Variants in NUP35 observed in about 807,000 individuals in gnomAD.
NUP35 encodes nucleoporin 35.
A neutral mutation model predicts 41.5 loss-of-function variants in NUP35; 25 were observed. That is an observed-to-expected ratio of 0.60 (90% CI 0.44 to 0.84). The LOEUF (loss-of-function observed/expected upper bound fraction) is 0.84. NUP35 is among the 40% of genes least tolerant of loss of function. The probability of loss-of-function intolerance (pLI) is 0.00; values close to 1 mark genes in which losing one functional copy is unlikely to be tolerated. For synonymous variants in NUP35, 149 were observed against 130.7 expected (o/e 1.14, Z -0.96); for missense variants, 396 against 396.6 (o/e 1.00, Z 0.01).
At position 183,138,269 on chromosome 2, in the gene NUP35, A is replaced by ATATATATATTTTT; in HGVS notation, c.397+4647_397+4648insATATATATTTTTT. On this transcript the variant is annotated intron_variant, in intron 4 of 8. Coordinates refer to ENST00000295119, the MANE Select transcript of NUP35 (RefSeq NM_138285.5). ...GCTATATATATATATATATATATAT[A>ATATATATATTTTT]TTTTTTTTTTTTTTTAGCTCCTGTA... is the stretch of plus-strand genomic sequence containing the variant. Among the ~76,000 whole-genome samples the ATATATATATTTTT allele has an allele frequency of 4.6e-3, 368 of 80,504 alleles. 8 individuals carry two copies. The highest frequency in any genetic ancestry group is 0.022 in the African/African-American group (345 of 16,002). 52.8% of individuals were successfully genotyped at this position (80,504 alleles called of 152,430 possible).
At chr2:183,136,514 C>A (rs1264214464) in intron 4 of NUP35, among the ~76,000 whole-genome samples, 1 of 152,218 alleles carries the variant, frequency 6.6e-6, no homozygotes, top group African/African-American at 2.4e-5. Flanking sequence ...AGGCTGCCCT[C>A]ACTCCTTGGC....
upstream of NUP35, among the ~76,000 whole-genome samples, chr2:183,122,345 G>T (rs774784614): frequency 1.7e-3 from 262 of 152,194 alleles, 3 homozygotes; most frequent in Non-Finnish European, 2.9e-3. Context: ...CAAAGTGCTG[G>T]GATTACAGGC....
upstream of NUP35, chr2:183,120,097 G>A (rs1003912588): frequency 6.6e-6 from 1 of 152,302 alleles, no homozygotes; most frequent in African/African-American, 2.4e-5. Flanking sequence ...GGAGGCTTCT[G>A]TAGAAAATAG....
chr2:183,150,174 G>A (rs796725090), intron 4 of NUP35, among the ~76,000 whole-genome samples: 17 of 152,242 alleles, frequency 1.1e-4, no homozygotes, highest in African/African-American at 4.1e-4. Context: ...CAAAGTGTTG[G>A]GATGACAGGT....
At chr2:183,149,200 A>G (rs1408376531) in intron 4 of NUP35, among the ~76,000 whole-genome samples, 4 of 152,198 alleles carry the variant, frequency 2.6e-5, no homozygotes, top group Admixed American at 6.5e-5. Flanking sequence ...GTGGTTCTCA[A>G]ATGTCTTAGT....
At chr2:183,119,982 A>AT (rs1336518667), upstream of NUP35, 5 of 150,246 alleles carry the variant, frequency 3.3e-5, no homozygotes, top group African/African-American at 1.2e-4. Context: ...AGAGATTCTG[A>AT]TTTTTTCCTT....
chr2:183,121,729 C>T (rs989533314), upstream of NUP35, among the ~76,000 whole-genome samples: 14 of 151,508 alleles, frequency 9.2e-5, no homozygotes, highest in South Asian at 4.2e-4. Flanking sequence ...CCCAGCTACT[C>T]GGGAGACTGA....
At chr2:183,153,737 G>C (rs1362847225) in intron 5 of NUP35, among the ~76,000 whole-genome samples, 2 of 152,158 alleles carry the variant, frequency 1.3e-5, no homozygotes, top group African/African-American at 4.8e-5. Flanking sequence ...AGTGCAAGCT[G>C]TCAGTGGATC....
upstream of NUP35, among the ~76,000 whole-genome samples, chr2:183,121,567 C>T (rs189844323): frequency 3.3e-3 from 502 of 152,216 alleles, 1 homozygote; most frequent in African/African-American, 0.011. Flanking sequence ...GGCGCGGTGG[C>T]TCACACCTGT....
At chr2:183,135,156 A>G (rs1034895938) in intron 4 of NUP35, among the ~76,000 whole-genome samples, 4 of 152,088 alleles carry the variant, frequency 2.6e-5, no homozygotes, top group Non-Finnish European at 5.9e-5. Context: ...GGTTAATTCC[A>G]CCTGCAACCT....
chr2:183,131,031 G>C (rs1684680533), intron 3 of NUP35: 1 of 604,300 alleles, frequency 1.7e-6, no homozygotes, highest in Non-Finnish European at 2.7e-6. Context: ...GCCCAGGCTA[G>C]AGTGCAGCGG....
chr2:183,137,717 G>A (rs960861970), intron 4 of NUP35, among the ~76,000 whole-genome samples: 4 of 151,894 alleles, frequency 2.6e-5, no homozygotes, highest in African/African-American at 4.8e-5. Flanking sequence ...CGCTTGAGCC[G>A]GGGAGTTTAA....
chr2:183,119,756 C>T (rs1265057467), upstream of NUP35, among the ~76,000 whole-genome samples: 1 of 152,076 alleles, frequency 6.6e-6, no homozygotes, highest in Non-Finnish European at 1.5e-5. Flanking sequence ...AGGATCATGG[C>T]TCACTGCAGC....
intron 4 of NUP35, among the ~76,000 whole-genome samples, chr2:183,139,567 C>G (rs529241461): frequency 2.9e-4 from 44 of 152,114 alleles, no homozygotes; most frequent in Non-Finnish European, 5.3e-4. Flanking sequence ...GGGAAGGGGA[C>G]AGAATCCTGG....
At chr2:183,131,388 C>T (rs1393773456) in intron 3 of NUP35, 1 of 152,446 alleles carries the variant, frequency 6.6e-6, no homozygotes, top group Non-Finnish European at 1.5e-5. Flanking sequence ...CTGCTGTTTG[C>T]TTTAGATATA....
chr2:183,159,253 A>G (rs990140858), intron 7 of NUP35, among the ~76,000 whole-genome samples: 17 of 152,122 alleles, frequency 1.1e-4, no homozygotes, highest in Non-Finnish European at 1.6e-4. Context: ...TTTGTGGTCT[A>G]TAGTTGTATT....
chr2:183,156,089 T>G (rs1029531214), intron 5 of NUP35, among the ~76,000 whole-genome samples: 1 of 152,226 alleles, frequency 6.6e-6, no homozygotes, highest in Non-Finnish European at 1.5e-5. Flanking sequence ...TGGGTGATTC[T>G]GCTATAGAGT....
chr2:183,157,351 G>A (rs1426823508), intron 5 of NUP35, 93 bp from the exon 6 acceptor site: 1 of 928,262 alleles, frequency 1.1e-6, no homozygotes, highest in African/African-American at 1.6e-5. Flanking sequence ...TAGACAGTTG[G>A]GGGCCATTTA....
upstream of NUP35, among the ~76,000 whole-genome samples, chr2:183,122,830 T>C (rs779136690): frequency 1.3e-5 from 2 of 152,212 alleles, no homozygotes; most frequent in African/African-American, 2.4e-5. Flanking sequence ...TTGCCCTGTG[T>C]TGTGGGCTGA....
Sources: allele counts gnomAD v4.1 joint callset (sites outside exome capture counted in the v4.1 genomes callset), GRCh38; gene constraint gnomAD v4.1.1; transcripts MANE v1.5; gene names NCBI Gene and HGNC (gene_info 2026-07-23, HGNC 2026-07-21).